The following ARMC9 variants were observed in gnomAD, a reference collection of about 807,000 sequenced individuals.
The protein encoded by ARMC9 is armadillo repeat containing 9.
ARMC9 carries 94 observed loss-of-function variants against 107.0 expected under a neutral mutation model. That is an observed-to-expected ratio of 0.88 (90% confidence interval 0.74 to 1.04). The LOEUF is 1.04. Among genes scored for constraint, ARMC9 ranks in the 50% least tolerant of loss-of-function variants. The probability of loss-of-function intolerance (pLI) is 0.00; values close to 1 mark genes in which losing one functional copy is unlikely to be tolerated. For synonymous variants in ARMC9, 380 were observed against 396.9 expected, an observed-to-expected ratio of 0.96 and a Z score of 0.51; for missense variants, 942 against 1,030.1, an observed-to-expected ratio of 0.91 and a Z score of 1.17.
Position 231,255,197 on chromosome 2 carries a change from AC to A in ARMC9, c.880-1388del. Among the ~76,000 whole-genome samples, 1 of 151,354 alleles carries A rather than the reference AC, an allele frequency of 6.6e-6. No homozygotes were observed. Among genetic ancestry groups the A allele is most frequent in the South Asian group, 2.1e-4 (1 of 4,766 alleles). On this transcript the variant is annotated intron_variant, in intron 9 of 24. Coordinates refer to ENST00000611582, the MANE Select transcript of ARMC9 (RefSeq NM_001352754.2). This position sits in a 1 kb window ranked among gnomAD's most constrained non-coding sequence, Gnocchi z 4.7. ...CAAAAAGAAACACACACACACACAC[AC>A]ACACACACACACACACACACACAAA...
intron 21 of ARMC9, among the ~76,000 whole-genome samples, chr2:231,354,443 G>A (rs527762425): frequency 7.7e-5 from 11 of 143,186 alleles, no homozygotes; most frequent in Admixed American, 2.9e-4. Context: ...GTGCAATGGC[G>A]CAATCTTGGC....
chr2:231,245,176 C>T (rs10177091), intron 9 of ARMC9, among the ~76,000 whole-genome samples: 26,811 of 152,198 alleles, frequency 0.18, 2,764 homozygotes, highest in Non-Finnish European at 0.21. Context: ...TGCTCCCACC[C>T]ATTTGTCTTT....
chr2:231,244,074 T>C (rs2036543880), intron 9 of ARMC9, among the ~76,000 whole-genome samples: 2 of 152,206 alleles, frequency 1.3e-5, no homozygotes, highest in Admixed American at 1.3e-4. Flanking sequence ...AGCTTGAGTG[T>C]TACTGCTAAT....
Position 231,370,049 on chromosome 2 carries a change from C to T in ARMC9, c.2358C>T (p.Ala786=). The change falls in exon 24 of 25, where the codon GCC becomes GCT. Residue 786 remains alanine, a synonymous_variant. Coordinates refer to ENST00000611582, the MANE Select transcript of ARMC9 (RefSeq NM_001352754.2). ...NPPKAKASVL[A]PLFSSCGPQQ... The stretch of plus-strand genomic sequence containing the variant: ...CCAAGGCAAAGGCGTCAGTTCTGGC[C>T]CCTCTGTTCTCTTCGTGTGGCCCCC... 6.5e-7 allele frequency: 1 copy of T among 1,535,600 alleles called. No homozygotes were observed. Among genetic ancestry groups the T allele is most frequent in the Non-Finnish European group, 8.7e-7 (1 of 1,146,624 alleles).
chr2:231,201,511 G>A (rs2030972290), intron 1 of ARMC9, among the ~76,000 whole-genome samples: 2 of 152,148 alleles, frequency 1.3e-5, no homozygotes, highest in Admixed American at 1.3e-4. Context: ...CACTCCCGTG[G>A]TCGGGAGCTT....
chr2:231,214,376 T>A (rs991872466), intron 3 of ARMC9, among the ~76,000 whole-genome samples: 1 of 152,196 alleles, frequency 6.6e-6, no homozygotes, highest in Non-Finnish European at 1.5e-5. Flanking sequence ...GTGTGTGGGC[T>A]CCCAGCCACT....
intron 20 of ARMC9, among the ~76,000 whole-genome samples, chr2:231,342,055 C>T (rs969154267): frequency 1.8e-4 from 28 of 152,086 alleles, no homozygotes; most frequent in African/African-American, 6.8e-4. Flanking sequence ...GACAAGATAC[C>T]CTCTAAGATC....
intron 17 of ARMC9, chr2:231,288,764 C>T (rs756891562): frequency 2.6e-5 from 12 of 470,000 alleles, no homozygotes; most frequent in Admixed American, 4.7e-5. Context: ...CGAGGGGCTA[C>T]GCACCGTGGT....
At position 231,373,827 on chromosome 2, in the gene ARMC9, G is replaced by A. The variant is rs1437629189; in HGVS notation, c.*2292G>A. On this transcript the variant is annotated 3_prime_UTR_variant, in exon 25 of 25. Coordinates refer to ENST00000611582, the MANE Select transcript of ARMC9 (RefSeq NM_001352754.2). This position sits in a 1 kb window ranked among gnomAD's most constrained non-coding sequence, Gnocchi z 4.4. ...CTGAGGCACAAGAATAGCTTGAACC[G>A]GGAGATGGAAGATGCAGTGAGCCAA... 5 of 151,804 alleles carry A rather than the reference G, an allele frequency of 3.3e-5. No individual in the cohort carries two copies. Among genetic ancestry groups the A allele is most frequent in the Admixed American group, 1.3e-4 (2 of 15,226 alleles). The allele number at this position is 151,804 out of a possible 1,614,324, so 9.4% of individuals were successfully genotyped here. A position where few individuals can be genotyped will look rare whatever the true frequency, so the allele number is the denominator to read the frequency against.
chr2:231,321,200 G>T (rs191466518), intron 19 of ARMC9, among the ~76,000 whole-genome samples: 1 of 152,372 alleles, frequency 6.6e-6, no homozygotes, highest in South Asian at 2.1e-4. Context: ...CCGCCCTTGC[G>T]ATCTAGAGAC....
chr2:231,304,895 ACAGGCT>A, intron 19 of ARMC9, among the ~76,000 whole-genome samples: 1 of 152,214 alleles, frequency 6.6e-6, no homozygotes, highest in Non-Finnish European at 1.5e-5. Context: ...CCTTAAAGTG[ACAGGCT>A]CACTTCATTA....
chr2:231,215,238 A>C, intron 4 of ARMC9: 1 of 440,662 alleles, frequency 2.3e-6, no homozygotes, highest in Non-Finnish European at 3.9e-6. Context: ...AAATACCTCA[A>C]GTTTTTGAAA....
At chr2:231,276,834 C>T in intron 15 of ARMC9, 59 bp downstream of exon 15, 1 of 1,592,766 alleles carries the variant, frequency 6.3e-7, no homozygotes, top group Non-Finnish European at 8.6e-7. Context: ...ACTCTTGAAG[C>T]TGGGTTTCTA....
At chr2:231,239,057 C>T (rs567296846) in intron 8 of ARMC9, among the ~76,000 whole-genome samples, 3 of 152,030 alleles carry the variant, frequency 2.0e-5, no homozygotes, top group Non-Finnish European at 2.9e-5. Context: ...CATGAAGCTG[C>T]GGAAGAGGAG....
chr2:231,316,664 C>T (rs951117024), intron 19 of ARMC9, among the ~76,000 whole-genome samples: 2 of 130,908 alleles, frequency 1.5e-5, no homozygotes, highest in African/African-American at 5.6e-5. Flanking sequence ...GACTCCATCT[C>T]AAAAAAAAAA....
intron 24 of ARMC9, among the ~76,000 whole-genome samples, 155 bp from the exon 25 acceptor site, chr2:231,371,358 G>C (rs985575433): frequency 2.6e-5 from 4 of 152,172 alleles, no homozygotes; most frequent in Non-Finnish European, 5.9e-5. Context: ...GAAAGAGCCG[G>C]CCCGCCAGTC....
chr2:231,354,582 A>C (rs1027585834), intron 21 of ARMC9, among the ~76,000 whole-genome samples: 9 of 151,922 alleles, frequency 5.9e-5, no homozygotes, highest in African/African-American at 2.2e-4. Context: ...GGGTTTCACC[A>C]TGTTGGCCAA....
intron 1 of ARMC9, chr2:231,198,913 C>T (rs2030216231): frequency 6.6e-6 from 1 of 152,282 alleles, no homozygotes; most frequent in Admixed American, 6.5e-5. Flanking sequence ...CCTGGACATC[C>T]CAAGAAAGGA....
chr2:231,357,763 G>A (rs139796757), intron 22 of ARMC9, among the ~76,000 whole-genome samples: 56 of 152,170 alleles, frequency 3.7e-4, no homozygotes, highest in East Asian at 2.1e-3. Context: ...TTGTAAAGAC[G>A]AAGTTTGCTG....
Sources: gnomAD v4.1 joint callset for allele counts (sites outside exome capture counted in the v4.1 genomes callset) on GRCh38, gnomAD v4.1.1 for gene constraint, Gnocchi (gnomAD v3.1) non-coding constraint, MANE v1.5 for transcripts, NCBI Gene and HGNC (gene_info 2026-07-23, HGNC 2026-07-21) for gene names.